KCNK12: variants seen among roughly 807,000 people sequenced by gnomAD.
KCNK12 encodes potassium channel subfamily K member 12.
Under a neutral mutation model 25.3 loss-of-function variants are expected in KCNK12, and 6 were observed. That is an observed-to-expected ratio of 0.24 (90% CI 0.13 to 0.47). The LOEUF (loss-of-function observed/expected upper bound fraction) is 0.47. Ranked by LOEUF, KCNK12 falls within the 20% of genes least tolerant of loss-of-function variation. The pLI is 0.99. For synonymous variants in KCNK12, 331 were observed against 311.1 expected, an observed-to-expected ratio of 1.06 and a Z score of -0.67; for missense variants, 444 against 661.7, an observed-to-expected ratio of 0.67 and a Z score of 3.61.
chr2:47,537,762 A>G (rs1283646498), intron 1 of KCNK12, among the ~76,000 whole-genome samples: 1 of 152,248 alleles, frequency 6.6e-6, no homozygotes, highest in Non-Finnish European at 1.5e-5. Flanking sequence ...ATAAATAAAA[A>G]TGAATAAGAT....
chr2:47,561,337 A>T (rs1259245253), intron 1 of KCNK12, among the ~76,000 whole-genome samples: 1 of 152,220 alleles, frequency 6.6e-6, no homozygotes, highest in Non-Finnish European at 1.5e-5. Flanking sequence ...ATTAAAGAGC[A>T]CTGCGCCTAT....
At chr2:47,552,787 G>A (rs992326243) in intron 1 of KCNK12, among the ~76,000 whole-genome samples, 6 of 151,806 alleles carry the variant, frequency 4.0e-5, no homozygotes, top group African/African-American at 1.4e-4. Context: ...GAAAAAAAAA[G>A]GAAAGAAATC....
Position 47,521,666 on chromosome 2 carries a change from G to A in KCNK12, c.534C>T (p.Ala178=). Residue 178 remains alanine (A), a synonymous_variant, in exon 2 of 2, where the codon GCC becomes GCT. Coordinates refer to ENST00000327876, the MANE Select transcript of KCNK12 (RefSeq NM_022055.2). ...TGCGGCGCAGCTGGCGCTCCCGGCA[G>A]GCGCGCATGATGAAGGCCAGCAGCG... ...IISLLAFIMR[A]CRERQLRRSG... The A allele has an allele frequency of 6.3e-7, 1 of 1,598,650 alleles. No homozygotes were observed. Among genetic ancestry groups the A allele is most frequent in the Admixed American group, 1.7e-5 (1 of 57,218 alleles).
At chr2:47,539,632 G>C (rs1669150719) in intron 1 of KCNK12, among the ~76,000 whole-genome samples, 2 of 152,246 alleles carry the variant, frequency 1.3e-5, no homozygotes, top group Non-Finnish European at 2.9e-5. Context: ...AATCTAGTAA[G>C]ATGGAAACCT....
intron 1 of KCNK12, among the ~76,000 whole-genome samples, chr2:47,554,462 G>A (rs1024227747): frequency 2.6e-5 from 4 of 152,172 alleles, no homozygotes; most frequent in African/African-American, 7.2e-5. Flanking sequence ...AGAGAAGTCA[G>A]CCATGCCGTG....
chr2:47,545,805 G>C (rs529631178), intron 1 of KCNK12, among the ~76,000 whole-genome samples: 3 of 152,164 alleles, frequency 2.0e-5, no homozygotes, highest in Non-Finnish European at 4.4e-5. Context: ...AGCCATTTGT[G>C]CTAACTGATG....
At position 47,560,065 on chromosome 2, in the gene KCNK12, C is replaced by T. The variant is rs1669632065; in HGVS notation, c.391+9876G>A. 6.6e-6 allele frequency among the ~76,000 whole-genome samples: 1 copy of T among 152,196 alleles called. No homozygotes were observed. The highest frequency in any genetic ancestry group is 2.1e-4 in the South Asian group (1 of 4,828). ...TTAGGCAGAGTCTCCCTCAAGCCAA[C>T]CACCCTTCAGGAGGCGAGTTCTGAG... is the stretch of plus-strand genomic sequence containing the variant. On this transcript the variant is annotated intron_variant, in intron 1 of 1. Coordinates refer to ENST00000327876, the MANE Select transcript of KCNK12 (RefSeq NM_022055.2). The surrounding 1 kb of genome is among the most constrained non-coding windows in gnomAD (Gnocchi z 4.7).
chr2:47,570,283 G>A lies in KCNK12; in HGVS notation c.49C>T (p.Leu17=), dbSNP rs1243723084. The stretch of plus-strand genomic sequence containing the variant: ...CAGCAGCAGCAGGAGGGGCGCGGCA[G>A]GCGGCGGCGGCTACGGCGGGGCGGG... ...RPPPRRSRRR[L]PRPSCCCCCC... The change falls in exon 1 of 2, where the codon CTG becomes TTG. Residue 17 remains leucine, a synonymous_variant. Coordinates refer to ENST00000327876, the MANE Select transcript of KCNK12 (RefSeq NM_022055.2). 1 of 1,373,496 alleles carries A rather than the reference G, an allele frequency of 7.3e-7. No homozygotes were observed. The highest frequency in any genetic ancestry group is 9.4e-7 in the Non-Finnish European group (1 of 1,064,078). The allele number at this position is 1,373,496 out of a possible 1,614,324, so 85.1% of individuals were successfully genotyped here.
In KCNK12 at chr2:47,569,585, A is replaced by G. The variant is rs1669847214; in HGVS notation, c.391+356T>C. On this transcript the variant is annotated intron_variant, in intron 1 of 1. Transcript: ENST00000327876. The surrounding 1 kb of genome is among the most constrained non-coding windows in gnomAD (Gnocchi z 4.1). ...GGCTTTTGAGATCATCCTGGAGAGG[A>G]AACTGAGGCCTGGGGGTTGTGGGTG... Among the ~76,000 whole-genome samples, 1 of 152,108 alleles carries G rather than the reference A, an allele frequency of 6.6e-6. No individual in the cohort carries two copies. The highest frequency in any genetic ancestry group is 2.1e-4 in the South Asian group (1 of 4,822).
intron 1 of KCNK12, among the ~76,000 whole-genome samples, chr2:47,532,807 A>G (rs1056649622): frequency 2.0e-5 from 3 of 152,132 alleles, no homozygotes; most frequent in African/African-American, 2.4e-5. Flanking sequence ...GGTAAGCCTC[A>G]TGTTCAGAAG....
chr2:47,546,657 T>C (rs935187613), intron 1 of KCNK12, among the ~76,000 whole-genome samples: 1 of 152,108 alleles, frequency 6.6e-6, no homozygotes, highest in Non-Finnish European at 1.5e-5. Flanking sequence ...ACTCTCAGTG[T>C]CAAAAAAATA....
In KCNK12 at chr2:47,533,567, C is replaced by T. The variant is rs1490180086; in HGVS notation, c.392-11759G>A. ...GTAGGCACAGTCAAGCCTGGCTCTA[C>T]CATTGGCTCGCCGTTCTCCTACCTC... On this transcript the variant is annotated intron_variant, in intron 1 of 1. Transcript: ENST00000327876. The surrounding 1 kb of genome is among the most constrained non-coding windows in gnomAD (Gnocchi z 4.7). Among the ~76,000 whole-genome samples the T allele has an allele frequency of 6.6e-6, 1 of 152,212 alleles. No homozygotes were observed. The highest frequency in any genetic ancestry group is 1.5e-5 in the Non-Finnish European group (1 of 68,034).
In KCNK12 at chr2:47,525,248, T is replaced by G. The variant is rs991044346; in HGVS notation, c.392-3440A>C. 1.3e-5 allele frequency among the ~76,000 whole-genome samples: 2 copies of G among 152,032 alleles called. No individual in the cohort carries two copies. Among genetic ancestry groups the G allele is most frequent in the African/African-American group, 4.8e-5 (2 of 41,392 alleles). On this transcript the variant is annotated intron_variant, in intron 1 of 1. Coordinates refer to ENST00000327876, the MANE Select transcript of KCNK12 (RefSeq NM_022055.2). This position sits in a 1 kb window ranked among gnomAD's most constrained non-coding sequence, Gnocchi z 4.1. ...GGGGATTGATGGGATCTTCCATCAG[T>G]TGGGAAGTTGTTATGGGTAGTTGTT...
intron 1 of KCNK12, among the ~76,000 whole-genome samples, chr2:47,554,948 G>A (rs561144706): frequency 6.6e-6 from 1 of 152,300 alleles, no homozygotes; most frequent in African/African-American, 2.4e-5. Flanking sequence ...GAAAAAAAGA[G>A]GAATCAGGAC....
chr2:47,568,275 G>C (rs1441942242), intron 1 of KCNK12, among the ~76,000 whole-genome samples: 1 of 151,146 alleles, frequency 6.6e-6, no homozygotes, highest in Non-Finnish European at 1.5e-5. Context: ...CATCCTCTAG[G>C]ACTAAGCATC....
rs898433396 is a variant in KCNK12, at chr2:47,510,206, C to G, written c.*10701G>C. The G allele has an allele frequency of 6.6e-6, 1 of 152,202 alleles. No homozygotes were observed. The highest frequency in any genetic ancestry group is 2.4e-5 in the African/African-American group (1 of 41,420). 9.4% of individuals were successfully genotyped at this position (152,202 alleles called of 1,614,324 possible). On this transcript the variant is annotated 3_prime_UTR_variant, in exon 2 of 2. Coordinates refer to ENST00000327876, the MANE Select transcript of KCNK12 (RefSeq NM_022055.2). ...TGGAGGGGTAGCTACCATCTGGCAC[C>G]TGGGGTGGCAAGCCAACATGGAAAG...
chr2:47,570,386 T>TC lies in KCNK12; in HGVS notation c.-56dup, dbSNP rs997591884. 3 of 1,207,650 alleles carry TC rather than the reference T, an allele frequency of 2.5e-6. No individual in the cohort carries two copies. Among genetic ancestry groups the TC allele is most frequent in the Non-Finnish European group, 2.1e-6 (2 of 974,234 alleles). 74.8% of individuals were successfully genotyped at this position (1,207,650 alleles called of 1,614,324 possible). The stretch of plus-strand genomic sequence containing the variant: ...GGCGCTCGGGGCCCGGGCCACGACA[T>TC]CCCCCCGGCGGGAGCAGGAGCGTGA... On this transcript the variant is annotated 5_prime_UTR_variant, in exon 1 of 2. Transcript: ENST00000327876.
rs1668499539 is a variant in KCNK12 at position 47,515,293 on chromosome 2, C to A, written c.*5614G>T. Reference sequence around the variant, plus strand: ...CAGATTGCTGGGTGTAATTCATAGGCAGATCATGAAATCAGTTTAATAGCT... The same window carrying A: ...CAGATTGCTGGGTGTAATTCATAGGAAGATCATGAAATCAGTTTAATAGCT... On this transcript the variant is annotated 3_prime_UTR_variant, in exon 2 of 2. Transcript: ENST00000327876. 6.6e-6 allele frequency among the ~76,000 whole-genome samples: 1 copy of A among 152,200 alleles called. No homozygotes were observed. The highest frequency in any genetic ancestry group is 1.5e-5 in the Non-Finnish European group (1 of 68,034).
Position 47,516,291 on chromosome 2 carries a change from C to G in KCNK12, c.*4616G>C, listed in dbSNP as rs1481359510. On this transcript the variant is annotated 3_prime_UTR_variant, in exon 2 of 2. Transcript: ENST00000327876. ...GAAATCAGACTCCTGGGAGTACGGC[C>G]CGGGCCTCGGGATCCTTTAAAGCTC... Among the ~76,000 whole-genome samples, 2 of 152,208 alleles carry G rather than the reference C, an allele frequency of 1.3e-5. No individual in the cohort carries two copies. Among genetic ancestry groups the G allele is most frequent in the African/African-American group, 4.8e-5 (2 of 41,458 alleles).
Sources: gnomAD v4.1 joint callset for allele counts (sites outside exome capture counted in the v4.1 genomes callset) on GRCh38, gnomAD v4.1.1 for gene constraint, Gnocchi (gnomAD v3.1) non-coding constraint, MANE v1.5 for transcripts, NCBI Gene and HGNC (gene_info 2026-07-23, HGNC 2026-07-21) for gene names.